The following TMEM163 variants were observed in gnomAD, a reference collection of about 807,000 sequenced individuals.
TMEM163 encodes the protein transmembrane protein 163.
Under a neutral mutation model 29.3 loss-of-function variants are expected in TMEM163, and 17 were observed. The ratio of observed to expected loss-of-function variants is 0.58; its 90% CI spans 0.40 to 0.87. The LOEUF is 0.87. TMEM163 is among the 40% of genes least tolerant of loss of function. The pLI is 0.00. For missense variants in TMEM163, 303 were observed against 381.5 expected, an observed-to-expected ratio of 0.79 and a Z score of 1.71; for synonymous variants, 157 against 160.6, an observed-to-expected ratio of 0.98 and a Z score of 0.17.
At chr2:134,583,912 C>T (rs1681753678) in intron 2 of TMEM163, among the ~76,000 whole-genome samples, 1 of 152,178 alleles carries the variant, frequency 6.6e-6, no homozygotes, top group Admixed American at 6.6e-5. Flanking sequence ...CTCCTCCATC[C>T]CCTTTCTGGC....
At chr2:134,588,384 A>T (rs918097589) in intron 2 of TMEM163, among the ~76,000 whole-genome samples, 1 of 152,222 alleles carries the variant, frequency 6.6e-6, no homozygotes, top group Non-Finnish European at 1.5e-5. Flanking sequence ...TTGTCACATC[A>T]TCATTCATGA....
At chr2:134,548,280 T>C (rs1440638305) in intron 4 of TMEM163, among the ~76,000 whole-genome samples, 10 of 152,132 alleles carry the variant, frequency 6.6e-5, no homozygotes, top group Admixed American at 6.5e-4. Flanking sequence ...TATCAACATG[T>C]AATGAACATT....
At chr2:134,521,607 G>C (rs1260496502) in intron 4 of TMEM163, among the ~76,000 whole-genome samples, 1 of 152,162 alleles carries the variant, frequency 6.6e-6, no homozygotes, top group Non-Finnish European at 1.5e-5. Flanking sequence ...AGATTCCCAA[G>C]GCCATCAACT....
intron 4 of TMEM163, among the ~76,000 whole-genome samples, chr2:134,514,389 T>A (rs1396825899): frequency 1.5e-5 from 1 of 65,110 alleles, no homozygotes; most frequent in Non-Finnish European, 3.3e-5. Context: ...TGATCTTTTT[T>A]TTTTTTTTTT....
At chr2:134,541,827 A>C (rs1457060509) in intron 4 of TMEM163, among the ~76,000 whole-genome samples, 1 of 152,078 alleles carries the variant, frequency 6.6e-6, no homozygotes, top group Non-Finnish European at 1.5e-5. Context: ...GCATACATCA[A>C]AATGTTAGTT....
chr2:134,634,033 T>A (rs1683048625), intron 2 of TMEM163, among the ~76,000 whole-genome samples: 1 of 137,048 alleles, frequency 7.3e-6, no homozygotes, highest in African/African-American at 2.7e-5. Context: ...TAGGACTGTT[T>A]TAAGATGCAA....
Position 134,682,912 on chromosome 2 carries a change from A to G in TMEM163, c.322+30288T>C, listed in dbSNP as rs1193845260. ...TGAGTGGATAAACTTTGCTACATCC[A>G]GGCAATGGAATGTTACTCAGTGCCA... is the stretch of plus-strand genomic sequence containing the variant. On this transcript the variant is annotated intron_variant, in intron 2 of 7. Coordinates refer to ENST00000281924, the MANE Select transcript of TMEM163 (RefSeq NM_030923.5). 2.6e-5 allele frequency among the ~76,000 whole-genome samples: 4 copies of G among 152,366 alleles called. No individual in the cohort carries two copies. In the South Asian group the frequency reaches 8.3e-4, roughly 32 times the overall value.
intron 4 of TMEM163, among the ~76,000 whole-genome samples, chr2:134,532,344 C>T (rs932723003): frequency 3.9e-5 from 6 of 152,202 alleles, no homozygotes; most frequent in Non-Finnish European, 7.3e-5. Flanking sequence ...CTGTGAGATT[C>T]CTTCCAAACA....
intron 2 of TMEM163, among the ~76,000 whole-genome samples, chr2:134,646,952 T>C (rs916243656): frequency 6.6e-6 from 1 of 152,196 alleles, no homozygotes; most frequent in African/African-American, 2.4e-5. Flanking sequence ...CCAAAGTTCA[T>C]TCCCAATATG....
intron 2 of TMEM163, among the ~76,000 whole-genome samples, chr2:134,698,404 G>A (rs191232103): frequency 3.3e-5 from 5 of 152,062 alleles, no homozygotes; most frequent in Admixed American, 2.0e-4. Flanking sequence ...AAATTTTCTC[G>A]TATTACTAAT....
At chr2:134,480,754 T>C (rs1687033924) in intron 5 of TMEM163, among the ~76,000 whole-genome samples, 1 of 152,160 alleles carries the variant, frequency 6.6e-6, no homozygotes, top group South Asian at 2.1e-4. Context: ...ACCTGGGATT[T>C]GGCAAGTCAC....
At chr2:134,462,712 A>G (rs992536128) in intron 6 of TMEM163, among the ~76,000 whole-genome samples, 2 of 152,224 alleles carry the variant, frequency 1.3e-5, no homozygotes, top group African/African-American at 4.8e-5. Flanking sequence ...TCCTCTGTAC[A>G]CCACATAACA....
chr2:134,572,578 C>T (rs1284490264), intron 2 of TMEM163, among the ~76,000 whole-genome samples: 1 of 152,108 alleles, frequency 6.6e-6, no homozygotes, highest in Admixed American at 6.5e-5. Flanking sequence ...TTCACAGAAG[C>T]AGTACTGTGG....
intron 4 of TMEM163, among the ~76,000 whole-genome samples, chr2:134,548,901 G>C (rs1239073520): frequency 6.6e-6 from 1 of 152,150 alleles, no homozygotes; most frequent in Non-Finnish European, 1.5e-5. Flanking sequence ...GTGACATCAG[G>C]TTGGTGCTTA....
At chr2:134,542,015 T>C (rs561693459) in intron 4 of TMEM163, among the ~76,000 whole-genome samples, 156 of 152,348 alleles carry the variant, frequency 1.0e-3, no homozygotes, top group Non-Finnish European at 2.0e-3. Flanking sequence ...ACAATCTTTT[T>C]ATCCCCTCAC....
intron 2 of TMEM163, among the ~76,000 whole-genome samples, chr2:134,618,138 A>C (rs1039092819): frequency 1.3e-5 from 2 of 152,084 alleles, no homozygotes; most frequent in African/African-American, 4.8e-5. Flanking sequence ...AAAAAAAGGC[A>C]AGCTCCAACT....
intron 2 of TMEM163, among the ~76,000 whole-genome samples, chr2:134,664,309 G>A (rs1683825234): frequency 6.6e-6 from 1 of 152,182 alleles, no homozygotes; most frequent in Non-Finnish European, 1.5e-5. Context: ...CAACTTCAGG[G>A]TCCATCAGAA....
At chr2:134,693,653 G>A (rs961626712) in intron 2 of TMEM163, among the ~76,000 whole-genome samples, 6 of 148,284 alleles carry the variant, frequency 4.0e-5, no homozygotes, top group Non-Finnish European at 6.0e-5. Flanking sequence ...CCTACAGCAT[G>A]ATGGAGCTTT....
intron 4 of TMEM163, among the ~76,000 whole-genome samples, chr2:134,526,418 G>A (rs1272831719): frequency 6.6e-6 from 1 of 151,994 alleles, no homozygotes; most frequent in Non-Finnish European, 1.5e-5. Context: ...ACATCCTACA[G>A]CACCACTAAT....
Sources: gnomAD v4.1 joint callset for allele counts (sites outside exome capture counted in the v4.1 genomes callset) on GRCh38, gnomAD v4.1.1 for gene constraint, MANE v1.5 for transcripts, NCBI Gene and HGNC (gene_info 2026-07-23, HGNC 2026-07-21) for gene names.